GRIN2A: variants seen among roughly 807,000 people sequenced by gnomAD.
GRIN2A encodes the protein glutamate ionotropic receptor NMDA type subunit 2A.
GRIN2A carries 22 observed loss-of-function variants against 113.4 expected under a neutral mutation model. That is an observed-to-expected ratio of 0.19 (90% CI 0.14 to 0.28). The LOEUF is 0.28. Among genes scored for constraint, GRIN2A ranks in the 10% least tolerant of loss-of-function variants. The probability of loss-of-function intolerance (pLI) is 1.00; values close to 1 mark genes in which losing one functional copy is unlikely to be tolerated. For missense variants in GRIN2A, 1,502 were observed against 1,887.0 expected (o/e 0.80, Z 3.78); for synonymous variants, 827 against 738.4 (o/e 1.12, Z -1.94).
chr16:10,084,138 A>C (rs7206714), intron 2 of GRIN2A, among the ~76,000 whole-genome samples: 44,114 of 152,108 alleles, frequency 0.29, 7,050 homozygotes, highest in East Asian at 0.44. Flanking sequence ...TAAAAATTAA[A>C]TAAGTTGACA....
At chr16:10,000,942 G>T (rs535223372) in intron 2 of GRIN2A, among the ~76,000 whole-genome samples, 16 of 152,178 alleles carry the variant, frequency 1.1e-4, no homozygotes, top group African/African-American at 3.4e-4. Context: ...AGTTTGTCCT[G>T]CTTACCATGG....
intron 2 of GRIN2A, among the ~76,000 whole-genome samples, chr16:9,951,265 C>T (rs1463674071): frequency 2.0e-5 from 3 of 152,166 alleles, no homozygotes; most frequent in Admixed American, 1.3e-4. Flanking sequence ...ATATTCTGCT[C>T]GCAAATCACT....
chr16:9,916,315 A>G (rs1407637041), intron 3 of GRIN2A, among the ~76,000 whole-genome samples: 1 of 152,194 alleles, frequency 6.6e-6, no homozygotes, highest in Non-Finnish European at 1.5e-5. Flanking sequence ...GCTTCATGAC[A>G]TGAGTCCTTG....
chr16:9,983,535 G>A (rs1243121173), intron 2 of GRIN2A, among the ~76,000 whole-genome samples: 1 of 149,918 alleles, frequency 6.7e-6, no homozygotes, highest in African/African-American at 2.5e-5. Context: ...CGCCTCCCGG[G>A]TTCACACCAT....
At chr16:10,035,039 G>C (rs1167338880) in intron 2 of GRIN2A, among the ~76,000 whole-genome samples, 1 of 151,606 alleles carries the variant, frequency 6.6e-6, no homozygotes, top group East Asian at 2.0e-4. Context: ...CTTTTAACGT[G>C]TTTAGAGACA....
At chr16:10,076,122 T>C (rs1393236455) in intron 2 of GRIN2A, among the ~76,000 whole-genome samples, 2 of 152,126 alleles carry the variant, frequency 1.3e-5, no homozygotes, top group African/African-American at 4.8e-5. Flanking sequence ...AACCAGACCA[T>C]TCTCCCAGCC....
At chr16:10,075,987 C>A (rs1055116777) in intron 2 of GRIN2A, among the ~76,000 whole-genome samples, 1 of 152,186 alleles carries the variant, frequency 6.6e-6, no homozygotes, top group South Asian at 2.1e-4. Context: ...ATCCAAACCA[C>A]TCCCTTTTTC....
At chr16:10,010,412 C>G (rs1166362104) in intron 2 of GRIN2A, among the ~76,000 whole-genome samples, 2 of 152,182 alleles carry the variant, frequency 1.3e-5, no homozygotes, top group Non-Finnish European at 2.9e-5. Flanking sequence ...ACTACAAACC[C>G]TTGGGATATC....
chr16:10,062,418 C>A (rs1248857022), intron 2 of GRIN2A, among the ~76,000 whole-genome samples: 3 of 152,198 alleles, frequency 2.0e-5, no homozygotes, highest in Non-Finnish European at 2.9e-5. Flanking sequence ...GTCACCAGAC[C>A]AACAGCATCC....
rs1302131015 is a variant in GRIN2A at position 9,822,371 on chromosome 16, A to G, written c.2061T>C (p.Asn687=). Reference sequence around the variant, plus strand: ...TCCGAATGTTTCTCTCCGTGCTTCCATTAGGCACTGTCCCAAATCGAAAAG... The same window carrying G: ...TCCGAATGTTTCTCTCCGTGCTTCCGTTAGGCACTGTCCCAAATCGAAAAG... The part of the protein sequence containing the change: ...SPPFRFGTVP[N]GSTERNIRNN... Residue 687 remains asparagine (N), a synonymous_variant, in exon 10 of 13, where the codon AAT becomes AAC. Transcript: ENST00000330684. The G allele has an allele frequency of 6.2e-6, 10 of 1,612,958 alleles. No homozygotes were observed. Among genetic ancestry groups the G allele is most frequent in the African/African-American group, 1.3e-5 (1 of 74,998 alleles).
chr16:9,803,670 G>T (rs2141246840), intron 10 of GRIN2A, among the ~76,000 whole-genome samples: 1 of 152,232 alleles, frequency 6.6e-6, no homozygotes, highest in South Asian at 2.1e-4. Context: ...TTCTCCTTGT[G>T]CAGGGATGGG....
At chr16:9,828,550 A>G (rs1303161409) in intron 9 of GRIN2A, among the ~76,000 whole-genome samples, 1 of 152,246 alleles carries the variant, frequency 6.6e-6, no homozygotes, top group South Asian at 2.1e-4. Context: ...CCACACACAG[A>G]ACAGAAAATC....
chr16:9,849,716 G>GGGTT (rs781677438), intron 5 of GRIN2A, 40 bp downstream of exon 5: 62 of 1,440,698 alleles, frequency 4.3e-5, no homozygotes, highest in Non-Finnish European at 5.8e-5. Flanking sequence ...CTATTTCAAA[G>GGGTT]GGTTGGGCAC....
At chr16:10,174,097 A>G (rs530242848) in intron 2 of GRIN2A, among the ~76,000 whole-genome samples, 26 of 152,366 alleles carry the variant, frequency 1.7e-4, no homozygotes, top group Non-Finnish European at 2.8e-4. Flanking sequence ...CATGGAGGAT[A>G]GGTCCAATAT....
intron 2 of GRIN2A, among the ~76,000 whole-genome samples, chr16:9,996,642 T>C (rs1172443025): frequency 6.6e-6 from 1 of 152,204 alleles, no homozygotes; most frequent in African/African-American, 2.4e-5. Context: ...TTTATAATCA[T>C]ATACACATAG....
At chr16:9,875,955 A>G (rs145401877) in intron 4 of GRIN2A, among the ~76,000 whole-genome samples, 2 of 152,280 alleles carry the variant, frequency 1.3e-5, no homozygotes, top group Non-Finnish European at 2.9e-5. Flanking sequence ...CCACTACATT[A>G]TAAGTTCCCT....
At chr16:10,142,222 T>C (rs2049341416) in intron 2 of GRIN2A, among the ~76,000 whole-genome samples, 1 of 152,098 alleles carries the variant, frequency 6.6e-6, no homozygotes, top group African/African-American at 2.4e-5. Context: ...AAGGAAGTTA[T>C]ATAAGGGTCA....
intron 3 of GRIN2A, among the ~76,000 whole-genome samples, chr16:9,926,241 A>G (rs893778200): frequency 6.6e-6 from 1 of 152,220 alleles, no homozygotes; most frequent in African/African-American, 2.4e-5. Flanking sequence ...CTACAGCTAC[A>G]TGAAATGATC....
chr16:9,783,599 C>A (rs907241814), intron 11 of GRIN2A, among the ~76,000 whole-genome samples: 3 of 152,128 alleles, frequency 2.0e-5, no homozygotes, highest in African/African-American at 7.2e-5. Flanking sequence ...AGTGCCAAAC[C>A]ATTTATGCCT....
Sources: allele counts gnomAD v4.1 joint callset (sites outside exome capture counted in the v4.1 genomes callset), GRCh38; gene constraint gnomAD v4.1.1; transcripts MANE v1.5; gene names NCBI Gene and HGNC (gene_info 2026-07-23, HGNC 2026-07-21).